PMP22: variants seen among roughly 807,000 people sequenced by gnomAD.
PMP22 encodes the protein peripheral myelin protein 22.
A neutral mutation model predicts 18.9 loss-of-function variants in PMP22; 2 were observed. The observed-to-expected ratio is 0.11, with a 90% CI of 0.04 to 0.33. The LOEUF is 0.33. PMP22 is among the 10% of genes least tolerant of loss of function. The pLI is 1.00. For synonymous variants in PMP22, 95 were observed against 89.2 expected, an observed-to-expected ratio of 1.07 and a Z score of -0.37; for missense variants, 169 against 202.2, an observed-to-expected ratio of 0.84 and a Z score of 1.00.
chr17:15,234,312 A>T (rs1360037983), intron 4 of PMP22, among the ~76,000 whole-genome samples: 1 of 152,182 alleles, frequency 6.6e-6, no homozygotes, highest in Non-Finnish European at 1.5e-5. Context: ...TATTGAAAGG[A>T]GCAGAGTGAT....
rs1906257962 is a variant in PMP22, at chr17:15,230,933, A to G, written c.467T>C (p.Leu156Ser). 7 of 1,614,098 alleles carry G rather than the reference A, an allele frequency of 4.3e-6. No individual in the cohort carries two copies. The highest frequency in any genetic ancestry group is 5.9e-6 in the Non-Finnish European group (7 of 1,180,024). The change falls in exon 5 of 5, where the codon TTG becomes TCG. Residue 156 changes from leucine to serine, a missense_variant. By Grantham distance (145) the Leu-to-Ser change is moderately radical. Coordinates refer to ENST00000312280, the MANE Select transcript of PMP22 (RefSeq NM_000304.4). ...CTGGGCGCCTCATTCGCGTTTCCGCAAGATCACATAGATGACACCGCTGAG... is the reference window on the plus strand; with the variant it reads ...CTGGGCGCCTCATTCGCGTTTCCGCGAGATCACATAGATGACACCGCTGAG... ...ALLSGVIYVI[L>S]RKRE is the part of the protein sequence containing the mutation.
intron 3 of PMP22, among the ~76,000 whole-genome samples, chr17:15,240,838 C>G (rs1907258121): frequency 1.3e-5 from 2 of 152,182 alleles, no homozygotes; most frequent in African/African-American, 4.8e-5. Context: ...ACCTTCAATG[C>G]TTCACCCAGT....
chr17:15,260,538 G>GA, intron 2 of PMP22, 112 bp downstream of exon 2: 1 of 926,430 alleles, frequency 1.1e-6, no homozygotes, highest in Admixed American at 2.0e-5. Flanking sequence ...TGGGACGTCT[G>GA]AGACTTCCAA....
chr17:15,257,566 C>T (rs1410131857), intron 3 of PMP22, among the ~76,000 whole-genome samples: 1 of 152,196 alleles, frequency 6.6e-6, no homozygotes, highest in African/African-American at 2.4e-5. Context: ...CGGAGTGCTC[C>T]GGGAACTTCA....
intron 3 of PMP22, among the ~76,000 whole-genome samples, chr17:15,240,405 A>ATTTTTTTTTTTTTTT (rs59646634): frequency 8.2e-6 from 1 of 121,434 alleles, no homozygotes; most frequent in Non-Finnish European, 1.7e-5. Flanking sequence ...GACAACCCGT[A>ATTTTTTTTTTTTTTT]TTTTTTTTTT....
chr17:15,249,720 C>T (rs987366266), intron 3 of PMP22, among the ~76,000 whole-genome samples: 6 of 152,166 alleles, frequency 3.9e-5, no homozygotes, highest in Non-Finnish European at 8.8e-5. Flanking sequence ...AAACTGCAAT[C>T]GTCAACTGTT....
chr17:15,259,093 C>G lies in PMP22; in HGVS notation c.178+1G>C, dbSNP rs1597632815. 6.2e-7 allele frequency: 1 copy of G among 1,608,180 alleles called. No homozygotes were observed. Among genetic ancestry groups the G allele is most frequent in the Non-Finnish European group, 8.5e-7 (1 of 1,174,584 alleles). On this transcript the variant is annotated splice_donor_variant, in intron 3 of 4. Transcript: ENST00000312280. LOFTEE classifies it high-confidence loss of function. ...CTCATGGAGCACAAAACCAGCCTCA[C>G]CGTTTGGTGATGATGAGAAACAGTG...
chr17:15,247,035 A>G (rs1230895338), intron 3 of PMP22, among the ~76,000 whole-genome samples: 1 of 130,090 alleles, frequency 7.7e-6, no homozygotes, highest in African/African-American at 3.0e-5. Context: ...ACACCACTGC[A>G]CTCCAGCCTG....
chr17:15,245,691 G>A (rs1279690733), intron 3 of PMP22, among the ~76,000 whole-genome samples: 1 of 152,040 alleles, frequency 6.6e-6, no homozygotes, highest in African/African-American at 2.4e-5. Context: ...ATTTCCATCT[G>A]GGTCACACCA....
Position 15,258,325 on chromosome 17 carries a change from C to T in PMP22, c.178+769G>A, listed in dbSNP as rs1035297107. Among the ~76,000 whole-genome samples the T allele has an allele frequency of 1.3e-5, 2 of 152,142 alleles. No individual in the cohort carries two copies. The highest frequency in any genetic ancestry group is 4.1e-4 in the South Asian group (2 of 4,836). ...AAACAGCTCATCCTGTTTACCTCCA[C>T]CTGTCTGCATCCAAACACACAGGGC... is the stretch of plus-strand genomic sequence containing the variant. On this transcript the variant is annotated intron_variant, in intron 3 of 4. Coordinates refer to ENST00000312280, the MANE Select transcript of PMP22 (RefSeq NM_000304.4). This position sits in a 1 kb window ranked among gnomAD's most constrained non-coding sequence, Gnocchi z 4.1.
intron 4 of PMP22, chr17:15,235,427 C>G (rs1253655986): frequency 3.0e-6 from 2 of 668,650 alleles, no homozygotes; most frequent in Non-Finnish European, 5.4e-6. Flanking sequence ...AGGTCTGTGT[C>G]TAGATTAATT....
chr17:15,248,971 G>A (rs573457587), intron 3 of PMP22, among the ~76,000 whole-genome samples: 6 of 152,232 alleles, frequency 3.9e-5, no homozygotes, highest in South Asian at 4.2e-4. Flanking sequence ...GGAATAATTC[G>A]CTTAGTTTTA....
In PMP22 at chr17:15,230,804, T is replaced by G; in HGVS notation, c.*113A>C. 3 of 1,115,468 alleles carry G rather than the reference T, an allele frequency of 2.7e-6. No individual in the cohort carries two copies. Among genetic ancestry groups the G allele is most frequent in the Non-Finnish European group, 4.1e-6 (3 of 740,322 alleles). 69.1% of individuals were successfully genotyped at this position (1,115,468 alleles called of 1,614,324 possible). ...CCCACCTCCACTGCTTTCTGTTTGG[T>G]TTGGTTTGAGTTTGGGATTTTGGGC... On this transcript the variant is annotated 3_prime_UTR_variant, in exon 5 of 5. Coordinates refer to ENST00000312280, the MANE Select transcript of PMP22 (RefSeq NM_000304.4).
At chr17:15,244,259 A>C (rs913295476) in intron 3 of PMP22, among the ~76,000 whole-genome samples, 1 of 152,166 alleles carries the variant, frequency 6.6e-6, no homozygotes, top group Non-Finnish European at 1.5e-5. Context: ...AAAATTCAAA[A>C]AAAATGGATA....
At position 15,258,413 on chromosome 17, in the gene PMP22, A is replaced by G. The variant is rs1296066148; in HGVS notation, c.178+681T>C. Among the ~76,000 whole-genome samples, 1 of 152,004 alleles carries G rather than the reference A, an allele frequency of 6.6e-6. No individual in the cohort carries two copies. Among genetic ancestry groups the G allele is most frequent in the Non-Finnish European group, 1.5e-5 (1 of 68,016 alleles). ...GTACCTAGTTGGTGCTTCTGCTGCC[A>G]ATTATCCCTTAATTTGACCCTCATG... On this transcript the variant is annotated intron_variant, in intron 3 of 4. Transcript: ENST00000312280. This position sits in a 1 kb window ranked among gnomAD's most constrained non-coding sequence, Gnocchi z 4.1.
At chr17:15,247,515 G>A (rs187909285) in intron 3 of PMP22, among the ~76,000 whole-genome samples, 20 of 152,304 alleles carry the variant, frequency 1.3e-4, no homozygotes, top group Admixed American at 7.8e-4. Flanking sequence ...TGGGAAGCTC[G>A]AGTTGCACAA....
intron 1 of PMP22, among the ~76,000 whole-genome samples, chr17:15,263,305 T>C (rs1016895214): frequency 6.6e-6 from 1 of 152,160 alleles, no homozygotes; most frequent in Admixed American, 6.5e-5. Flanking sequence ...GCTGTCAGCC[T>C]TGGCTGGAGT....
At chr17:15,239,356 G>A in intron 4 of PMP22, 115 bp downstream of exon 4, 1 of 1,200,398 alleles carries the variant, frequency 8.3e-7, no homozygotes, top group Non-Finnish European at 1.2e-6. Context: ...AAAGCATCCA[G>A]TGGGGAGACT....
chr17:15,247,242 A>G (rs916655941), intron 3 of PMP22, among the ~76,000 whole-genome samples: 4 of 150,340 alleles, frequency 2.7e-5, no homozygotes, highest in Non-Finnish European at 5.9e-5. Flanking sequence ...GGTGGCGGGC[A>G]CCTGTAGTCC....
Sources: allele counts gnomAD v4.1 joint callset (sites outside exome capture counted in the v4.1 genomes callset), GRCh38; gene constraint gnomAD v4.1.1; non-coding constraint Gnocchi (gnomAD v3.1); transcripts MANE v1.5; gene names NCBI Gene and HGNC (gene_info 2026-07-23, HGNC 2026-07-21).